PLEKHG4: variants seen among roughly 807,000 people sequenced by gnomAD.
PLEKHG4 encodes puratrophin-1.
A neutral mutation model predicts 136.9 loss-of-function variants in PLEKHG4; 85 were observed. The observed-to-expected ratio is 0.62, with a 90% CI of 0.52 to 0.74. The LOEUF is 0.74. Ranked by LOEUF, PLEKHG4 falls within the 30% of genes least tolerant of loss-of-function variation. The pLI is 0.00. For missense variants in PLEKHG4, 1,317 were observed against 1,527.8 expected, an observed-to-expected ratio of 0.86 and a Z score of 2.30; for synonymous variants, 577 against 646.9, an observed-to-expected ratio of 0.89 and a Z score of 1.64.
intron 1 of PLEKHG4, 28 bp downstream of exon 1, chr16:67,279,654 G>T (rs2036118057): frequency 6.1e-6 from 1 of 164,660 alleles, no homozygotes; most frequent in Non-Finnish European, 1.3e-5. Context: ...GCGACGGGGG[G>T]GCGCGCGGTA....
At position 67,285,375 on chromosome 16, in the gene PLEKHG4, G is replaced by T. The variant is rs1207099369; in HGVS notation, c.2281G>T (p.Glu761Ter). The T allele has an allele frequency of 3.1e-6, 5 of 1,614,090 alleles. No individual in the cohort carries two copies. Among genetic ancestry groups the T allele is most frequent in the Non-Finnish European group, 4.2e-6 (5 of 1,180,054 alleles). The change falls in exon 14 of 22, where the codon GAG becomes TAG. Residue 761 changes from glutamate (E) to a stop codon, truncating the protein, a stop_gained. Coordinates refer to ENST00000379344, the MANE Select transcript of PLEKHG4 (RefSeq NM_001129729.3). LOFTEE classifies it high-confidence loss of function. ...LEYTMENYFP[E>*]LDRPDVPQGL... ...GTACACTATGGAGAACTATTTCCCC[G>T]AGCTGGATCGCCCCGATGTGCCCCA...
upstream of PLEKHG4, chr16:67,278,270 C>G (rs188793818): frequency 6.6e-6 from 1 of 152,238 alleles, no homozygotes; most frequent in Admixed American, 6.5e-5. Flanking sequence ...ATGAAGAAGG[C>G]TCCTCGGTAG....
Position 67,280,912 on chromosome 16 carries a change from T to C in PLEKHG4, c.626T>C (p.Leu209Pro). Reference sequence around the variant, plus strand: ...CGGGATGTCCAAGGCCGGGCAGTGCTGCTTCTGTGTGCCCACAGCCCAGCC... The same window carrying C: ...CGGGATGTCCAAGGCCGGGCAGTGCCGCTTCTGTGTGCCCACAGCCCAGCC... ...GTRDVQGRAVLLLCAHSPAWL... is the reference protein window; with the variant it reads ...GTRDVQGRAVPLLCAHSPAWL... Residue 209 changes from leucine (L) to proline (P), a missense_variant, in exon 4 of 22, where the codon CTG becomes CCG. Coordinates refer to ENST00000379344, the MANE Select transcript of PLEKHG4 (RefSeq NM_001129729.3). This position sits in a 1 kb window ranked among gnomAD's most constrained non-coding sequence, Gnocchi z 4.4. The C allele has an allele frequency of 6.2e-7, 1 of 1,613,064 alleles. No homozygotes were observed. Among genetic ancestry groups the C allele is most frequent in the Non-Finnish European group, 8.5e-7 (1 of 1,180,026 alleles).
Position 67,280,510 on chromosome 16 carries a change from C to A in PLEKHG4, c.466C>A (p.Pro156Thr). 1 of 1,611,268 alleles carries A rather than the reference C, an allele frequency of 6.2e-7. No homozygotes were observed. The highest frequency in any genetic ancestry group is 8.5e-7 in the Non-Finnish European group (1 of 1,178,980). ...CAGCGACCCTGTGGGCCTTGGAGAC[C>A]CTTTATCAGAAATATCAAAGCTGCT... ...LDSDPVGLGD[P>T]LSEISKLLEA... The change falls in exon 2 of 22, where the codon CCT becomes ACT. Residue 156 changes from proline to threonine, a missense_variant. Physicochemically the swap from Pro to Thr is conservative, Grantham distance 38 (BLOSUM62 -1). Coordinates refer to ENST00000379344, the MANE Select transcript of PLEKHG4 (RefSeq NM_001129729.3). This position sits in a 1 kb window ranked among gnomAD's most constrained non-coding sequence, Gnocchi z 4.4.
At chr16:67,281,464 T>C (rs1450661128) in intron 5 of PLEKHG4, 103 bp from the exon 6 acceptor site, 3 of 950,254 alleles carry the variant, frequency 3.2e-6, no homozygotes, top group African/African-American at 3.2e-5. Context: ...TGAACTCAGG[T>C]GATCCTCCCG....
chr16:67,284,982 C>A lies in PLEKHG4; in HGVS notation c.1962C>A (p.Ser654Arg). ...EASLKLPPVG[S>R]TASLCVSQVP... ...CACTGAAGCTACCACCGGTGGGCAG[C>A]ACAGCTAGCCTGTGTGTCAGCCAGG... Residue 654 changes from serine to arginine, a missense_variant, in exon 13 of 22, where the codon AGC (serine) becomes AGA (arginine). Transcript: ENST00000379344. This position sits in a 1 kb window ranked among gnomAD's most constrained non-coding sequence, Gnocchi z 4.4. The A allele has an allele frequency of 6.2e-7, 1 of 1,613,326 alleles. No homozygotes were observed. Among genetic ancestry groups the A allele is most frequent in the Non-Finnish European group, 8.5e-7 (1 of 1,179,960 alleles).
chr16:67,286,577 A>C lies in PLEKHG4; in HGVS notation c.2665A>C (p.Ser889Arg). The change falls in exon 16 of 22, where the codon AGT becomes CGT. Residue 889 changes from serine to arginine, a missense_variant. By Grantham distance (110) the Ser-to-Arg change is moderately radical. Transcript: ENST00000379344. ...CTGCGGGGGCCCCACGCAGGAGCTC[A>C]GTGCGCTGCGGGAGGCCCAGAGCCT... ...RACGGPTQEL[S>R]ALREAQSLVH... 6.4e-7 allele frequency: 1 copy of C among 1,561,138 alleles called. No individual in the cohort carries two copies.
rs142491858 is a variant in PLEKHG4, at chr16:67,288,538, C to T, written c.3504C>T (p.Ser1168=). The T allele has an allele frequency of 1.1e-4, 185 of 1,613,966 alleles. No individual in the cohort carries two copies. The highest frequency in any genetic ancestry group is 1.6e-4 in the Non-Finnish European group (183 of 1,179,916). ...CCCAATGCCCATCAGCCAGTGGCTC[C>T]AGTGGCTCTGACAGCAGCTGTGTGT... ...ISSQCPSASG[S]SGSDSSCVSG... Residue 1168 remains serine, a synonymous_variant, in exon 21 of 22, where the codon TCC becomes TCT. Coordinates refer to ENST00000379344, the MANE Select transcript of PLEKHG4 (RefSeq NM_001129729.3).
At chr16:67,281,222 T>TTC (rs760849527) in intron 5 of PLEKHG4, 38 bp downstream of exon 5, 16 of 1,305,382 alleles carry the variant, frequency 1.2e-5, no homozygotes, top group African/African-American at 8.8e-5. Context: ...TTCCTTTTCT[T>TTC]TTCTTTTTTT....
At position 67,284,152 on chromosome 16, in the gene PLEKHG4, G is replaced by A; in HGVS notation, c.1510-123G>A. On this transcript the variant is annotated intron_variant, in intron 11 of 21. Coordinates refer to ENST00000379344, the MANE Select transcript of PLEKHG4 (RefSeq NM_001129729.3). The surrounding 1 kb of genome is among the most constrained non-coding windows in gnomAD (Gnocchi z 4.4). ...ATGTGGGTGGGGAGTAGGAGATACGGGTAGATGTTCCACCACAGGACAGAC... is the reference window on the plus strand; with the variant it reads ...ATGTGGGTGGGGAGTAGGAGATACGAGTAGATGTTCCACCACAGGACAGAC... The A allele has an allele frequency of 1.3e-6, 1 of 782,198 alleles. No individual in the cohort carries two copies. Among genetic ancestry groups the A allele is most frequent in the Non-Finnish European group, 2.1e-6 (1 of 486,688 alleles). 48.5% of individuals were successfully genotyped at this position (782,198 alleles called of 1,614,324 possible).
chr16:67,277,863 T>G (rs950436800), upstream of PLEKHG4: 1 of 152,148 alleles, frequency 6.6e-6, no homozygotes, highest in Admixed American at 6.6e-5. Context: ...CTCTGTGGAG[T>G]GGAGAAACCA....
intron 11 of PLEKHG4, among the ~76,000 whole-genome samples, chr16:67,283,843 C>T (rs1339207039): frequency 2.6e-5 from 4 of 151,830 alleles, no homozygotes; most frequent in African/African-American, 4.8e-5. Context: ...CCTGGGAGAG[C>T]GAGTGCACTG....
At position 67,281,153 on chromosome 16, in the gene PLEKHG4, C is replaced by T; in HGVS notation, c.782C>T (p.Ser261Phe). 6.2e-7 allele frequency: 1 copy of T among 1,613,842 alleles called. No homozygotes were observed. The highest frequency in any genetic ancestry group is 8.5e-7 in the Non-Finnish European group (1 of 1,179,868). The change falls in exon 5 of 22, where the codon TCT becomes TTT. Residue 261 changes from serine (S) to phenylalanine (F), a missense_variant. Physicochemically the swap from Ser to Phe is radical, Grantham distance 155. Transcript: ENST00000379344. Reference protein sequence around the residue: ...LVDARICAPSSSLFSGLSQLQ... With the variant: ...LVDARICAPSFSLFSGLSQLQ... ...GATGCCCGAATTTGTGCTCCAAGTT[C>T]TTCCCTCTTCTCTGGGCTCAGCCAA...
chr16:67,285,426 C>G lies in PLEKHG4; in HGVS notation c.2332C>G (p.Leu778Val). 6.2e-7 allele frequency: 1 copy of G among 1,614,242 alleles called. No homozygotes were observed. The highest frequency in any genetic ancestry group is 8.5e-7 in the Non-Finnish European group (1 of 1,180,046). Residue 778 changes from leucine to valine, a missense_variant, in exon 14 of 22, where the codon CTC becomes GTC. By Grantham distance (32) the Leu-to-Val change is conservative. Transcript: ENST00000379344. Reference sequence around the variant, plus strand: ...GGGCCTCCGCGGTCAGCGTGCCCACCTCTTTGGCAACCTGGAGAAGCTGCG... The same window carrying G: ...GGGCCTCCGCGGTCAGCGTGCCCACGTCTTTGGCAACCTGGAGAAGCTGCG... ...PQGLRGQRAH[L>V]FGNLEKLRDF... is the part of the protein sequence containing the mutation.
chr16:67,282,177 A>C, intron 8 of PLEKHG4, 24 bp from the exon 9 acceptor site: 1 of 1,613,462 alleles, frequency 6.2e-7, no homozygotes, highest in Non-Finnish European at 8.5e-7. Context: ...GGCCACCTCC[A>C]CAGCTTATTG....
Position 67,281,787 on chromosome 16 carries a change from C to A in PLEKHG4, c.955C>A (p.Leu319Ile). ...HIPTAGLPTS[L>I]GGGLPYCHQA... ...CCCAACGGCGGGGCTGCCCACTTCG[C>A]TAGGAGGAGGCCTGCCTTACTGCCA... Residue 319 changes from leucine to isoleucine, a missense_variant, in exon 7 of 22, where the codon CTA becomes ATA. Leu to Ile is a conservative substitution (Grantham distance 5). Transcript: ENST00000379344. The A allele has an allele frequency of 6.2e-7, 1 of 1,613,768 alleles. No homozygotes were observed. Among genetic ancestry groups the A allele is most frequent in the Non-Finnish European group, 8.5e-7 (1 of 1,179,996 alleles).
chr16:67,284,868 G>C lies in PLEKHG4; in HGVS notation c.1848G>C (p.Leu616=). ...FRKMWALATG[L]GSEAIRQECR... ...AGATGTGGGCTCTGGCCACGGGGCT[G>C]GGCTCAGAGGCCATCCGCCAGGAGT... The change falls in exon 13 of 22, where the codon CTG becomes CTC. Residue 616 remains leucine (L), a synonymous_variant. Coordinates refer to ENST00000379344, the MANE Select transcript of PLEKHG4 (RefSeq NM_001129729.3). This position sits in a 1 kb window ranked among gnomAD's most constrained non-coding sequence, Gnocchi z 4.4. The C allele has an allele frequency of 6.2e-7, 1 of 1,612,910 alleles. No individual in the cohort carries two copies. The highest frequency in any genetic ancestry group is 1.1e-5 in the South Asian group (1 of 91,030).
At chr16:67,281,220 C>CTTTTTTTTTTTTTTTTTTTTTTTTT in intron 5 of PLEKHG4, 36 bp downstream of exon 5, 2 of 1,165,364 alleles carry the variant, frequency 1.7e-6, no homozygotes, top group Non-Finnish European at 2.5e-6. Flanking sequence ...CATTCCTTTT[C>CTTTTTTTTTTTTTTTTTTTTTTTTT]TTTTCTTTTT....
chr16:67,288,087 G>T (rs1377649387), intron 19 of PLEKHG4, 73 bp downstream of exon 19: 6 of 1,530,584 alleles, frequency 3.9e-6, no homozygotes, highest in Non-Finnish European at 5.4e-6. Flanking sequence ...CCCTCCATTA[G>T]TGCTGGCCCG....
Sources: gnomAD v4.1 joint callset for allele counts (sites outside exome capture counted in the v4.1 genomes callset) on GRCh38, gnomAD v4.1.1 for gene constraint, Gnocchi (gnomAD v3.1) non-coding constraint, MANE v1.5 for transcripts, NCBI Gene and HGNC (gene_info 2026-07-23, HGNC 2026-07-21) for gene names.